Variants in UBE2K observed in about 807,000 individuals in gnomAD.
UBE2K encodes ubiquitin conjugating enzyme E2 K.
A neutral mutation model predicts 30.0 loss-of-function variants in UBE2K; 6 were observed. The observed-to-expected ratio is 0.20, with a 90% CI of 0.11 to 0.39. UBE2K has a LOEUF of 0.39. UBE2K is among the 10% of genes least tolerant of loss of function. UBE2K has a pLI of 1.00. For missense variants in UBE2K, 61 were observed against 241.6 expected, an observed-to-expected ratio of 0.25 and a Z score of 4.96; for synonymous variants, 86 against 83.7, an observed-to-expected ratio of 1.03 and a Z score of -0.15.
At chr4:39,745,672 T>C in intron 2 of UBE2K, 80 bp from the exon 3 acceptor site, 1 of 906,504 alleles carries the variant, frequency 1.1e-6, no homozygotes, top group Admixed American at 2.4e-5. Context: ...AAATAGCTGC[T>C]CTGAAAAGCT....
intron 4 of UBE2K, among the ~76,000 whole-genome samples, chr4:39,767,090 C>T (rs191955081): frequency 3.3e-5 from 5 of 152,150 alleles, no homozygotes; most frequent in Admixed American, 1.3e-4. Context: ...TGCATATTCT[C>T]GTATTTTTTG....
intron 1 of UBE2K, among the ~76,000 whole-genome samples, chr4:39,735,115 A>G (rs903896845): frequency 7.2e-5 from 11 of 152,250 alleles, no homozygotes; most frequent in African/African-American, 2.7e-4. Flanking sequence ...ATGCAAGTGT[A>G]AGTTAACACT....
rs1212395429 is a variant in UBE2K at position 39,709,094 on chromosome 4, T to C, written c.63+10704T>C. 2.0e-5 allele frequency among the ~76,000 whole-genome samples: 3 copies of C among 151,992 alleles called. 1 individual carries two copies. Among genetic ancestry groups the C allele is most frequent in the Non-Finnish European group, 4.4e-5 (3 of 67,964 alleles). On this transcript the variant is annotated intron_variant, in intron 1 of 6. Transcript: ENST00000261427. ...TCTTCTTAAAACCTGAAGTACTGGC[T>C]CTGTATCTCGATTTTTTTAATCTGT...
chr4:39,723,523 C>A (rs1175956772), intron 1 of UBE2K, among the ~76,000 whole-genome samples: 1 of 151,978 alleles, frequency 6.6e-6, no homozygotes. Flanking sequence ...CATCCACCAC[C>A]ACGCCCTGCT....
intron 2 of UBE2K, among the ~76,000 whole-genome samples, chr4:39,743,569 A>T (rs1720822413): frequency 6.6e-6 from 1 of 151,088 alleles, no homozygotes; most frequent in South Asian, 2.1e-4. Flanking sequence ...CCGCCACTGC[A>T]CTCCAGCCTG....
intron 4 of UBE2K, chr4:39,771,495 A>G (rs114469020): frequency 0.031 from 46,254 of 1,470,090 alleles, 907 homozygotes; most frequent in Middle Eastern, 0.035. Flanking sequence ...TTAATCCCCT[A>G]TTTTCCCCAC....
intron 1 of UBE2K, among the ~76,000 whole-genome samples, chr4:39,704,493 T>C (rs530108483): frequency 6.6e-6 from 1 of 152,102 alleles, no homozygotes; most frequent in African/African-American, 2.4e-5. Context: ...TTGAGCTCTG[T>C]CCATTGGGCG....
intron 4 of UBE2K, chr4:39,771,178 G>A: frequency 6.2e-7 from 1 of 1,613,188 alleles, no homozygotes; most frequent in Non-Finnish European, 8.5e-7. Flanking sequence ...CGTGTAGCAG[G>A]AGAGAAGCAG....
At chr4:39,755,868 C>CT (rs1241979940) in intron 4 of UBE2K, 129 bp downstream of exon 4, 6 of 610,908 alleles carry the variant, frequency 9.8e-6, no homozygotes, top group Non-Finnish European at 1.7e-5. Context: ...TTAAAAGTCT[C>CT]TTAAGTGCAT....
At chr4:39,715,061 T>C (rs1216016989) in intron 1 of UBE2K, among the ~76,000 whole-genome samples, 2 of 149,048 alleles carry the variant, frequency 1.3e-5, no homozygotes, top group East Asian at 4.0e-4. Context: ...AGTCTCACTC[T>C]GTCACCCAGG....
At chr4:39,715,782 G>A (rs748936979) in intron 1 of UBE2K, among the ~76,000 whole-genome samples, 3 of 152,034 alleles carry the variant, frequency 2.0e-5, no homozygotes, top group Non-Finnish European at 2.9e-5. Context: ...AGGCATTCTC[G>A]GACCCAGGTC....
intron 1 of UBE2K, among the ~76,000 whole-genome samples, chr4:39,722,799 CTT>C (rs58965981): frequency 1.4e-4 from 14 of 100,038 alleles, no homozygotes; most frequent in Non-Finnish European, 1.3e-4. Flanking sequence ...CTTTTTCTCT[CTT>C]TTTTTTTTTT....
Position 39,714,531 on chromosome 4 carries a change from TATATATATATATATATATA to T in UBE2K, c.63+16142_63+16160del, listed in dbSNP as rs1560343633. Reference sequence around the variant, plus strand: ...TTTAGAAGTTTCATATATATATATATATATATATATATATATATATTTTTTTTTTTTTTTAAGACTGAGT... The same window carrying T: ...TTTAGAAGTTTCATATATATATATATTTTTTTTTTTTTTTTAAGACTGAGT... On this transcript the variant is annotated intron_variant, in intron 1 of 6. Transcript: ENST00000261427. 1.3e-4 allele frequency: 4 copies of T among 31,330 alleles called. 1 individual carries two copies. Among genetic ancestry groups the T allele is most frequent in the Non-Finnish European group, 2.0e-4 (4 of 19,724 alleles). The allele number at this position is 31,330 out of a possible 1,614,324, so 1.9% of individuals were successfully genotyped here. A position where few individuals can be genotyped will look rare whatever the true frequency, so the allele number is the denominator to read the frequency against.
At chr4:39,752,335 C>CTTTTTTTTTT (rs57289268) in intron 3 of UBE2K, among the ~76,000 whole-genome samples, 1 of 64,092 alleles carries the variant, frequency 1.6e-5, no homozygotes, top group Non-Finnish European at 2.7e-5. Context: ...CTTTTTTTTT[C>CTTTTTTTTTT]TTTTTTTTTT....
intron 1 of UBE2K, among the ~76,000 whole-genome samples, chr4:39,724,153 G>A (rs13118375): frequency 0.17 from 24,827 of 148,078 alleles, 3,958 homozygotes; most frequent in African/African-American, 0.43. Context: ...TTGTCACCAG[G>A]CTGGAGTACG....
intron 1 of UBE2K, among the ~76,000 whole-genome samples, chr4:39,698,986 G>A (rs1717859616): frequency 6.6e-6 from 1 of 152,162 alleles, no homozygotes; most frequent in South Asian, 2.1e-4. Flanking sequence ...TGTCTTATTT[G>A]GTGGCAGGGG....
intron 1 of UBE2K, among the ~76,000 whole-genome samples, chr4:39,728,701 C>G (rs766076862): frequency 4.4e-4 from 67 of 151,532 alleles, no homozygotes; most frequent in Admixed American, 2.2e-3. Flanking sequence ...TGCAGTTGTG[C>G]GATCTCGGCT....
Position 39,774,921 on chromosome 4 carries a change from A to G in UBE2K, c.387A>G (p.Val129=). Residue 129 remains valine (V), a synonymous_variant, in exon 5 of 7, where the codon GTA becomes GTG. Transcript: ENST00000261427. ...AGCCAGATGATCCACAGGATGCTGTAGTAGCAAATCAGGTAAGATGGCCGC... is the reference window on the plus strand; with the variant it reads ...AGCCAGATGATCCACAGGATGCTGTGGTAGCAAATCAGGTAAGATGGCCGC... ...AAEPDDPQDA[V]VANQYKQNPE... is the part of the protein sequence containing the mutation. 6.2e-7 allele frequency: 1 copy of G among 1,603,188 alleles called. No homozygotes were observed. Among genetic ancestry groups the G allele is most frequent in the East Asian group, 2.2e-5 (1 of 44,564 alleles).
At chr4:39,702,052 C>T (rs1410133018) in intron 1 of UBE2K, among the ~76,000 whole-genome samples, 2 of 152,038 alleles carry the variant, frequency 1.3e-5, no homozygotes, top group African/African-American at 2.4e-5. Context: ...TGAGCCACCA[C>T]ACCCAGCCAG....
Sources: gnomAD v4.1 joint callset for allele counts (sites outside exome capture counted in the v4.1 genomes callset) on GRCh38, gnomAD v4.1.1 for gene constraint, MANE v1.5 for transcripts, NCBI Gene and HGNC (gene_info 2026-07-23, HGNC 2026-07-21) for gene names.